Variants in CNGB3 observed in about 807,000 individuals in gnomAD.
The protein encoded by CNGB3 is cyclic nucleotide-gated channel beta-3.
Under a neutral mutation model 92.8 loss-of-function variants are expected in CNGB3, and 86 were observed. That is an observed-to-expected ratio of 0.93 (90% CI 0.78 to 1.11). The LOEUF is 1.11. CNGB3 is among the 50% of genes least tolerant of loss of function. The pLI, the probability that CNGB3 is intolerant of heterozygous loss-of-function variation, is 0.00. For synonymous variants in CNGB3, 333 were observed against 332.7 expected, an observed-to-expected ratio of 1.00 and a Z score of -0.01; for missense variants, 1,026 against 956.8, an observed-to-expected ratio of 1.07 and a Z score of -0.95.
At chr8:86,580,394 G>A (rs560596607) in intron 15 of CNGB3, among the ~76,000 whole-genome samples, 122 of 152,298 alleles carry the variant, frequency 8.0e-4, no homozygotes, top group African/African-American at 2.9e-3. Flanking sequence ...ACTTGAGTGT[G>A]TCTGTTTCCC....
At chr8:86,602,604 G>A (rs1822329110) in intron 15 of CNGB3, among the ~76,000 whole-genome samples, 1 of 152,084 alleles carries the variant, frequency 6.6e-6, no homozygotes, top group African/African-American at 2.4e-5. Flanking sequence ...TCTTGGGATA[G>A]CAATTTTCTC....
intron 15 of CNGB3, among the ~76,000 whole-genome samples, chr8:86,590,736 A>T (rs201681882): frequency 2.1e-5 from 3 of 144,144 alleles, no homozygotes; most frequent in African/African-American, 7.8e-5. Context: ...CTTCCCTTTG[A>T]GGGTAACCCG....
In CNGB3 at chr8:86,738,604, C is replaced by A. The variant is rs192589414; in HGVS notation, c.211+1051G>T. 5.9e-3 allele frequency among the ~76,000 whole-genome samples: 897 copies of A among 152,150 alleles called. 17 individuals carry two copies. Among genetic ancestry groups the A allele is most frequent in the Non-Finnish European group, 8.0e-3 (545 of 67,988 alleles). ...CCTGTAATCCCAGCACTTTGGGAGG[C>A]CAAGGCGGGAGGATCACGAGGTCAG... On this transcript the variant is annotated intron_variant, in intron 2 of 17. Transcript: ENST00000320005.
chr8:86,608,034 G>A (rs1822445345), intron 14 of CNGB3, among the ~76,000 whole-genome samples: 1 of 152,052 alleles, frequency 6.6e-6, no homozygotes, highest in Non-Finnish European at 1.5e-5. Flanking sequence ...ACTCTCCTGT[G>A]GGCGGCAAGC....
intron 15 of CNGB3, among the ~76,000 whole-genome samples, chr8:86,583,028 T>TCCTGCCTCAGTCTCTTGA (rs149784941): frequency 2.0e-5 from 3 of 148,844 alleles, no homozygotes; most frequent in African/African-American, 7.4e-5. Context: ...CTCTGCTTCC[T>TCCTGCCTCAGTCTCTTGA]GTAGCTGGGA....
At chr8:86,697,478 G>A (rs1824470578) in intron 3 of CNGB3, among the ~76,000 whole-genome samples, 1 of 152,096 alleles carries the variant, frequency 6.6e-6, no homozygotes, top group Non-Finnish European at 1.5e-5. Flanking sequence ...TTAAAATTCA[G>A]TGGGCACAAT....
chr8:86,665,795 T>G (rs1823730539), intron 6 of CNGB3, among the ~76,000 whole-genome samples: 2 of 152,068 alleles, frequency 1.3e-5, no homozygotes, highest in South Asian at 4.1e-4. Flanking sequence ...AATTATTGGG[T>G]ACTATGTCCA....
chr8:86,658,208 T>C (rs1336409584), intron 6 of CNGB3: 2 of 560,862 alleles, frequency 3.6e-6, no homozygotes, highest in Non-Finnish European at 6.7e-6. Flanking sequence ...AGCTCACCCT[T>C]TGCTCCTTCA....
chr8:86,633,023 C>A, intron 10 of CNGB3, 130 bp from the exon 11 acceptor site: 1 of 781,126 alleles, frequency 1.3e-6, no homozygotes, highest in Non-Finnish European at 2.1e-6. Flanking sequence ...CTCTAGACAG[C>A]ACTGGCAAAC....
rs185028411 is a variant in CNGB3, at chr8:86,579,718, T to G, written c.1782-466A>C. 1.5e-3 allele frequency among the ~76,000 whole-genome samples: 224 copies of G among 152,226 alleles called. 4 individuals carry two copies. In the South Asian group the frequency reaches 0.02, roughly 13 times the overall value. ...CAGGAAGAGAGTGGGATCAGAGCAT[T>G]TATCTCCCCTGTTATTTTCCTGCCA... On this transcript the variant is annotated intron_variant, in intron 15 of 17. Coordinates refer to ENST00000320005, the MANE Select transcript of CNGB3 (RefSeq NM_019098.5).
chr8:86,624,609 C>T lies in CNGB3; in HGVS notation c.1578+1374G>A, dbSNP rs970989623. ...AGCTCAGGGCATCGTGTCATCCATC[C>T]TCCCGTAATATTCCCTCCTGTCCTC... On this transcript the variant is annotated intron_variant, in intron 13 of 17. Transcript: ENST00000320005. Among the ~76,000 whole-genome samples the T allele has an allele frequency of 2.0e-5, 3 of 152,212 alleles. No individual in the cohort carries two copies. The East Asian group carries it at 5.8e-4, about 29-fold the overall frequency.
chr8:86,673,734 A>G (rs1490749805), intron 3 of CNGB3, among the ~76,000 whole-genome samples: 1 of 152,234 alleles, frequency 6.6e-6, no homozygotes, highest in Non-Finnish European at 1.5e-5. Context: ...TGAAGATGAC[A>G]TCAATATAAA....
intron 3 of CNGB3, 133 bp from the exon 4 acceptor site, chr8:86,671,231 T>C: frequency 1.0e-6 from 1 of 964,192 alleles, no homozygotes; most frequent in Non-Finnish European, 1.6e-6. Flanking sequence ...AATAGCACAA[T>C]TCAAACATTA....
chr8:86,717,773 G>A (rs1824889725), intron 3 of CNGB3, among the ~76,000 whole-genome samples: 1 of 152,018 alleles, frequency 6.6e-6, no homozygotes, highest in Admixed American at 6.6e-5. Flanking sequence ...CACAAAACAA[G>A]TCTCAGTAAT....
intron 2 of CNGB3, among the ~76,000 whole-genome samples, chr8:86,736,605 A>T (rs1183241253): frequency 6.6e-6 from 1 of 152,168 alleles, no homozygotes; most frequent in African/African-American, 2.4e-5. Context: ...TGTAGTTTGA[A>T]TTATCAGAAT....
At chr8:86,721,219 G>C (rs1448235623) in intron 3 of CNGB3, among the ~76,000 whole-genome samples, 2 of 152,070 alleles carry the variant, frequency 1.3e-5, no homozygotes, top group South Asian at 2.1e-4. Flanking sequence ...ACCCACCTTG[G>C]CCTCCCAAAG....
chr8:86,579,020 A>G (rs1821711490), intron 16 of CNGB3, 86 bp downstream of exon 16: 14 of 1,578,522 alleles, frequency 8.9e-6, no homozygotes, highest in Non-Finnish European at 1.2e-5. Flanking sequence ...CAAGTTTATC[A>G]CAATCATAAT....
intron 10 of CNGB3, among the ~76,000 whole-genome samples, chr8:86,636,498 G>A (rs753049474): frequency 1.4e-5 from 2 of 146,796 alleles, no homozygotes; most frequent in Non-Finnish European, 3.0e-5. Flanking sequence ...GCTTGAACCC[G>A]GGAGGCGGAG....
chr8:86,632,694 A>G, intron 11 of CNGB3, 58 bp downstream of exon 11: 1 of 1,559,732 alleles, frequency 6.4e-7, no homozygotes, highest in Non-Finnish European at 8.8e-7. Context: ...GTTTACAAAG[A>G]CCTGTTAGTC....
Sources: gnomAD v4.1 joint callset for allele counts (sites outside exome capture counted in the v4.1 genomes callset) on GRCh38, gnomAD v4.1.1 for gene constraint, MANE v1.5 for transcripts, NCBI Gene and HGNC (gene_info 2026-07-23, HGNC 2026-07-21) for gene names.